The following RANBP2 variants were observed in gnomAD, a reference collection of about 807,000 sequenced individuals.
RANBP2 encodes the protein RAN binding protein 2.
In RANBP2, 57 loss-of-function variants were observed where a neutral mutation model predicts 303.6. The observed-to-expected ratio is 0.19, with a 90% CI of 0.15 to 0.23. The LOEUF (loss-of-function observed/expected upper bound fraction) is 0.23. RANBP2 is among the 10% of genes least tolerant of loss of function. RANBP2 has a pLI of 1.00. For missense variants in RANBP2, 3,138 were observed against 3,780.8 expected, an observed-to-expected ratio of 0.83 and a Z score of 4.46; for synonymous variants, 1,167 against 1,301.5, an observed-to-expected ratio of 0.90 and a Z score of 2.23.
the RANBP2 span, among the ~76,000 whole-genome samples, chr2:108,929,550 G>A: frequency 6.6e-6 from 1 of 152,178 alleles, no homozygotes; most frequent in African/African-American, 2.4e-5. Context: ...ACCAGCTCAT[G>A]CTCTGGGCTT....
At chr2:109,544,995 T>C in the RANBP2 span, 3 of 985,458 alleles carry the variant, frequency 3.0e-6, no homozygotes, top group Non-Finnish European at 3.6e-6. Context: ...CAAAGTCCTG[T>C]GGTTTACTTC....
rs750711827 is a variant in RANBP2, at chr2:108,781,369, T to C, written c.8700T>C (p.Ser2900=). The C allele has an allele frequency of 1.2e-6, 2 of 1,614,138 alleles. No homozygotes were observed. The highest frequency in any genetic ancestry group is 1.3e-5 in the African/African-American group (1 of 75,046). ...AGKVGEDEDG[S]DEEVVHNEDI... is the part of the protein sequence containing the mutation. ...AAGTTGGTGAAGATGAAGATGGTAG[T>C]GATGAAGAAGTAGTTCATAATGAAG... Residue 2900 remains serine, a synonymous_variant, in exon 26 of 29, where the codon AGT becomes AGC. Coordinates refer to ENST00000283195, the MANE Select transcript of RANBP2 (RefSeq NM_006267.5).
the RANBP2 span, among the ~76,000 whole-genome samples, chr2:109,166,359 C>T: frequency 7.4e-4 from 112 of 151,602 alleles, 1 homozygote; most frequent in East Asian, 1.9e-4. Context: ...TGCCTGTAGT[C>T]CCAGCTACTT....
chr2:109,175,630 G>A, the RANBP2 span, among the ~76,000 whole-genome samples: 4 of 152,214 alleles, frequency 2.6e-5, no homozygotes, highest in African/African-American at 9.6e-5. Context: ...TGCAATCTCA[G>A]TGGAAACCTT....
At chr2:109,708,258 C>T in the RANBP2 span, among the ~76,000 whole-genome samples, 15 of 151,934 alleles carry the variant, frequency 9.9e-5, no homozygotes, top group South Asian at 1.5e-3. Context: ...TGGTGGCACA[C>T]GCCTGTAGTC....
At chr2:109,376,561 T>C in the RANBP2 span, among the ~76,000 whole-genome samples, 1 of 152,208 alleles carries the variant, frequency 6.6e-6, no homozygotes, top group African/African-American at 2.4e-5. Flanking sequence ...TGAAAGACAG[T>C]AGACACAAGT....
the RANBP2 span, among the ~76,000 whole-genome samples, chr2:109,686,319 C>CT: frequency 1.5e-4 from 22 of 151,678 alleles, no homozygotes; most frequent in Admixed American, 6.6e-4. Context: ...GGTTTTAGTA[C>CT]TTTTTTTTTC....
the RANBP2 span, among the ~76,000 whole-genome samples, chr2:108,891,584 G>A: frequency 2.6e-5 from 4 of 152,296 alleles, no homozygotes; most frequent in East Asian, 7.7e-4. Flanking sequence ...GTGCCTGTTT[G>A]TGCCCAGGGC....
chr2:108,752,782 G>T (rs1187942938), intron 12 of RANBP2, among the ~76,000 whole-genome samples: 1 of 151,092 alleles, frequency 6.6e-6, no homozygotes, highest in Admixed American at 6.6e-5. Flanking sequence ...TACAGAGCAA[G>T]ACTCTGTCTC....
the RANBP2 span, among the ~76,000 whole-genome samples, chr2:108,980,377 C>T: frequency 2.0e-4 from 31 of 152,212 alleles, no homozygotes; most frequent in Non-Finnish European, 4.1e-4. Context: ...GCCACTAATG[C>T]TCTGGTGGGC....
At chr2:109,469,473 G>A in the RANBP2 span, among the ~76,000 whole-genome samples, 1 of 152,230 alleles carries the variant, frequency 6.6e-6, no homozygotes, top group African/African-American at 2.4e-5. Context: ...TTGTGCAGGG[G>A]TCACACTATG....
the RANBP2 span, among the ~76,000 whole-genome samples, chr2:109,200,936 A>C: frequency 6.6e-6 from 1 of 152,016 alleles, no homozygotes; most frequent in African/African-American, 2.4e-5. Flanking sequence ...GATAGTGCAG[A>C]CCTCGCAGTG....
chr2:109,266,511 A>T, the RANBP2 span, among the ~76,000 whole-genome samples: 9 of 151,790 alleles, frequency 5.9e-5, no homozygotes, highest in African/African-American at 1.7e-4. Context: ...ACTGCCTTCA[A>T]CTCTCATTGT....
chr2:108,852,469 C>G, the RANBP2 span, among the ~76,000 whole-genome samples: 11 of 152,198 alleles, frequency 7.2e-5, no homozygotes, highest in Non-Finnish European at 1.6e-4. Context: ...CATTGCAGCA[C>G]TGTTCACAAT....
chr2:108,806,203 T>C, the RANBP2 span, among the ~76,000 whole-genome samples: 4 of 152,204 alleles, frequency 2.6e-5, no homozygotes, highest in African/African-American at 7.2e-5. Context: ...TGTTGTCTGT[T>C]TGGAATCCCA....
At chr2:109,432,698 G>T in the RANBP2 span, 3 of 1,599,736 alleles carry the variant, frequency 1.9e-6, no homozygotes, top group Non-Finnish European at 2.6e-6. Context: ...GGCAGCCTGG[G>T]CAAGGAGAGG....
At chr2:108,804,873 T>A in the RANBP2 span, 1 of 1,495,156 alleles carries the variant, frequency 6.7e-7, no homozygotes, top group Non-Finnish European at 8.9e-7. Context: ...TGAGAGTTTT[T>A]TTTTTCTCCT....
At chr2:109,449,235 A>G in the RANBP2 span, 5 of 1,613,052 alleles carry the variant, frequency 3.1e-6, no homozygotes, top group Non-Finnish European at 4.2e-6. Context: ...GCGCACCCAG[A>G]ACTCTCCATC....
At chr2:109,651,940 A>T in the RANBP2 span, among the ~76,000 whole-genome samples, 2 of 152,232 alleles carry the variant, frequency 1.3e-5, no homozygotes, top group African/African-American at 4.8e-5. Context: ...ACATGTGCTC[A>T]GCAGTGCAGC....
Sources: gnomAD v4.1 joint callset for allele counts (sites outside exome capture counted in the v4.1 genomes callset) on GRCh38, gnomAD v4.1.1 for gene constraint, MANE v1.5 for transcripts, NCBI Gene and HGNC (gene_info 2026-07-23, HGNC 2026-07-21) for gene names.